FCHSD2: variants seen among roughly 807,000 people sequenced by gnomAD.
The protein encoded by FCHSD2 is FCH and double SH3 domains 2.
A neutral mutation model predicts 108.1 loss-of-function variants in FCHSD2; 38 were observed. The ratio of observed to expected loss-of-function variants is 0.35; its 90% CI spans 0.27 to 0.46. The LOEUF is 0.46. Ranked by LOEUF, FCHSD2 falls within the 20% of genes least tolerant of loss-of-function variation. FCHSD2 has a pLI of 1.00. For missense variants in FCHSD2, 751 were observed against 897.8 expected (o/e 0.84, Z 2.09); for synonymous variants, 279 against 314.7 (o/e 0.89, Z 1.20).
At chr11:73,009,234 G>A (rs1306571386) in intron 4 of FCHSD2, among the ~76,000 whole-genome samples, 1 of 152,028 alleles carries the variant, frequency 6.6e-6, no homozygotes, top group Non-Finnish European at 1.5e-5. Flanking sequence ...GGTGGCTCAC[G>A]CCTGTAATCC....
intron 3 of FCHSD2, among the ~76,000 whole-genome samples, chr11:73,045,011 A>T (rs1166594079): frequency 3.3e-5 from 5 of 151,632 alleles, no homozygotes; most frequent in African/African-American, 1.2e-4. Context: ...CGGAGGTTGC[A>T]GTGAGCCGAG....
At chr11:72,994,197 T>C (rs1231052919) in intron 5 of FCHSD2, among the ~76,000 whole-genome samples, 7 of 152,218 alleles carry the variant, frequency 4.6e-5, no homozygotes, top group African/African-American at 1.7e-4. Flanking sequence ...GCTTCCCTAC[T>C]GGCAAATTGT....
chr11:73,073,321 G>T (rs971853591), intron 3 of FCHSD2, among the ~76,000 whole-genome samples: 2 of 152,160 alleles, frequency 1.3e-5, no homozygotes, highest in Non-Finnish European at 2.9e-5. Context: ...ATTACAAAGT[G>T]AACTTCACAA....
intron 8 of FCHSD2, among the ~76,000 whole-genome samples, chr11:72,976,856 T>A: frequency 6.6e-6 from 1 of 151,992 alleles, no homozygotes; most frequent in East Asian, 1.9e-4. Context: ...ACTAGACCCC[T>A]ATCTCTCACC....
intron 8 of FCHSD2, chr11:72,940,993 T>C (rs1856405376): frequency 2.7e-6 from 2 of 746,308 alleles, no homozygotes; most frequent in Admixed American, 3.5e-5. Flanking sequence ...TGGGCTGACA[T>C]CTACAGGCCG....
At chr11:72,980,696 T>A (rs78852731) in intron 8 of FCHSD2, among the ~76,000 whole-genome samples, 125 of 140,750 alleles carry the variant, frequency 8.9e-4, no homozygotes, top group African/African-American at 2.9e-3. Context: ...TATATATATA[T>A]AATGTATGTA....
At chr11:72,889,321 T>A (rs187348829) in intron 11 of FCHSD2, among the ~76,000 whole-genome samples, 81 of 152,346 alleles carry the variant, frequency 5.3e-4, no homozygotes, top group African/African-American at 1.9e-3. Flanking sequence ...ATTCAACATA[T>A]GTCTCTTCCC....
intron 1 of FCHSD2, 46 bp downstream of exon 1, chr11:73,141,811 C>T: frequency 6.5e-7 from 1 of 1,533,602 alleles, no homozygotes; most frequent in Non-Finnish European, 8.8e-7. Flanking sequence ...CCGCGTTCCG[C>T]GTACGCATCT....
intron 13 of FCHSD2, among the ~76,000 whole-genome samples, chr11:72,856,166 T>C (rs1391841777): frequency 6.6e-6 from 1 of 152,150 alleles, no homozygotes; most frequent in Non-Finnish European, 1.5e-5. Flanking sequence ...GCTAGCCTCT[T>C]TGATGGATAG....
chr11:72,915,687 G>A (rs1460895050), intron 9 of FCHSD2, among the ~76,000 whole-genome samples: 1 of 152,028 alleles, frequency 6.6e-6, no homozygotes, highest in African/African-American at 2.4e-5. Context: ...GCGCGGTGGT[G>A]GGCGCCTATA....
intron 2 of FCHSD2, among the ~76,000 whole-genome samples, chr11:73,137,372 T>C (rs1428136384): frequency 1.3e-5 from 2 of 152,156 alleles, no homozygotes; most frequent in Non-Finnish European, 2.9e-5. Flanking sequence ...AATCTCTGTC[T>C]TTACATATTA....
intron 6 of FCHSD2, among the ~76,000 whole-genome samples, chr11:72,985,982 C>G (rs1857303227): frequency 6.6e-6 from 1 of 152,002 alleles, no homozygotes; most frequent in South Asian, 2.1e-4. Flanking sequence ...AGCTGTGCCT[C>G]ATGAAGTAAA....
chr11:73,050,130 T>C (rs1858864423), intron 3 of FCHSD2, among the ~76,000 whole-genome samples: 1 of 152,210 alleles, frequency 6.6e-6, no homozygotes, highest in Non-Finnish European at 1.5e-5. Flanking sequence ...GCAACTACCC[T>C]AATATACTAT....
chr11:73,118,320 A>AAAAAAC (rs976181849), intron 2 of FCHSD2, among the ~76,000 whole-genome samples: 1 of 152,172 alleles, frequency 6.6e-6, no homozygotes, highest in African/African-American at 2.4e-5. Context: ...CTCCATCTCA[A>AAAAAAC]AAAAACAAAA....
chr11:73,041,723 A>G (rs1234438207), intron 3 of FCHSD2, among the ~76,000 whole-genome samples: 1 of 152,020 alleles, frequency 6.6e-6, no homozygotes, highest in African/African-American at 2.4e-5. Context: ...TGTTTCTTTG[A>G]TGTGCAGAAG....
At chr11:72,842,916 C>T in intron 16 of FCHSD2, 75 bp from the exon 17 acceptor site, 4 of 1,131,954 alleles carry the variant, frequency 3.5e-6, no homozygotes, top group Non-Finnish European at 5.2e-6. Context: ...CCTATGCTCA[C>T]ATGACAACTA....
At chr11:73,004,603 G>C (rs1218331063) in intron 4 of FCHSD2, among the ~76,000 whole-genome samples, 1 of 152,030 alleles carries the variant, frequency 6.6e-6, no homozygotes, top group Non-Finnish European at 1.5e-5. Flanking sequence ...ACTCCCTTAT[G>C]TATGCCCTTT....
At chr11:73,107,814 T>G (rs1860381085) in intron 2 of FCHSD2, among the ~76,000 whole-genome samples, 1 of 152,236 alleles carries the variant, frequency 6.6e-6, no homozygotes, top group South Asian at 2.1e-4. Context: ...CTCCACTGTG[T>G]GTATGTACCA....
At chr11:72,850,013 G>T in intron 13 of FCHSD2, 124 bp from the exon 14 acceptor site, 1 of 596,902 alleles carries the variant, frequency 1.7e-6, no homozygotes, top group Non-Finnish European at 2.8e-6. Flanking sequence ...GCATAGAAAT[G>T]ACTATCTTTC....
Sources: gnomAD v4.1 joint callset for allele counts (sites outside exome capture counted in the v4.1 genomes callset) on GRCh38, gnomAD v4.1.1 for gene constraint, MANE v1.5 for transcripts, NCBI Gene and HGNC (gene_info 2026-07-23, HGNC 2026-07-21) for gene names.